Variants in ATP6V0A2 observed in about 807,000 individuals in gnomAD.
ATP6V0A2 encodes ATPase H+ transporting V0 subunit a2.
Under a neutral mutation model 104.4 loss-of-function variants are expected in ATP6V0A2, and 58 were observed. The observed-to-expected ratio is 0.56, with a 90% CI of 0.45 to 0.69. The LOEUF (loss-of-function observed/expected upper bound fraction) is 0.69. Ranked by LOEUF, ATP6V0A2 falls within the 30% of genes least tolerant of loss-of-function variation. The pLI, the probability that ATP6V0A2 is intolerant of heterozygous loss-of-function variation, is 0.00. For missense variants in ATP6V0A2, 938 were observed against 1,062.9 expected, an observed-to-expected ratio of 0.88 and a Z score of 1.63; for synonymous variants, 376 against 397.9, an observed-to-expected ratio of 0.95 and a Z score of 0.65.
intron 5 of ATP6V0A2, 62 bp downstream of exon 5, chr12:123,726,347 C>A: frequency 8.4e-7 from 1 of 1,196,090 alleles, no homozygotes. Flanking sequence ...GGCAGATGAG[C>A]TCCATAGAAG....
In ATP6V0A2 at chr12:123,712,661, A is replaced by C; in HGVS notation, c.96A>C (p.Lys32Asn). 6.2e-7 allele frequency: 1 copy of C among 1,610,282 alleles called. No individual in the cohort carries two copies. Residue 32 changes from lysine (K) to asparagine (N), a missense_variant, in exon 1 of 20, where the codon AAA becomes AAC. Coordinates refer to ENST00000330342, the MANE Select transcript of ATP6V0A2 (RefSeq NM_012463.4). ...AYECLSALGE[K>N]GLVQFRDLNQ... Reference sequence around the variant, plus strand: ...AGTGCCTCAGCGCCCTGGGCGAGAAAGGCCTGGTCCAGTTCCGAGACGTGA... The same window carrying C: ...AGTGCCTCAGCGCCCTGGGCGAGAACGGCCTGGTCCAGTTCCGAGACGTGA...
At chr12:123,735,730 C>A (rs1956546911) in intron 8 of ATP6V0A2, 106 bp downstream of exon 8, 1 of 991,276 alleles carries the variant, frequency 1.0e-6, no homozygotes, top group Non-Finnish European at 1.6e-6. Context: ...GTAGACAAAT[C>A]AAGATGTTCT....
intron 19 of ATP6V0A2, 136 bp downstream of exon 19, chr12:123,757,122 T>A: frequency 9.8e-7 from 1 of 1,020,046 alleles, no homozygotes; most frequent in Non-Finnish European, 1.5e-6. Context: ...TCCCTTGGGA[T>A]CTGTGTTCAT....
Position 123,712,622 on chromosome 12 carries a change from G to C in ATP6V0A2, c.57G>C (p.Ser19=), listed in dbSNP as rs770144778. 2.5e-6 allele frequency: 4 copies of C among 1,606,782 alleles called. No individual in the cohort carries two copies. Among genetic ancestry groups the C allele is most frequent in the Non-Finnish European group, 3.4e-6 (4 of 1,177,554 alleles). Residue 19 remains serine, a synonymous_variant, in exon 1 of 20, where the codon TCG becomes TCC. Coordinates refer to ENST00000330342, the MANE Select transcript of ATP6V0A2 (RefSeq NM_012463.4). ...GCCTGGCGCAGCTCTTCCTGCAGTC[G>C]GGCACGGCCTACGAGTGCCTCAGCG... is the stretch of plus-strand genomic sequence containing the variant. ...TMCLAQLFLQ[S]GTAYECLSAL... is the part of the protein sequence containing the mutation.
At chr12:123,727,723 T>A in intron 5 of ATP6V0A2, 60 bp from the exon 6 acceptor site, 1 of 1,603,842 alleles carries the variant, frequency 6.2e-7, no homozygotes. Context: ...TCATTCTTAA[T>A]GTAGTTTGAT....
At chr12:123,717,509 A>G (rs1190614866) in intron 1 of ATP6V0A2, among the ~76,000 whole-genome samples, 1 of 146,894 alleles carries the variant, frequency 6.8e-6, no homozygotes, top group African/African-American at 2.5e-5. Context: ...CAGTGGTGTG[A>G]TCACTGCTCA....
rs537120087 is a variant in ATP6V0A2, at chr12:123,718,632, A to G, written c.127A>G (p.Asn43Asp). 1.2e-6 allele frequency: 2 copies of G among 1,611,448 alleles called. No individual in the cohort carries two copies. The highest frequency in any genetic ancestry group is 2.2e-5 in the South Asian group (2 of 90,718). Reference protein sequence around the residue: ...GLVQFRDLNQNVSSFQRKFVG... With the variant: ...GLVQFRDLNQDVSSFQRKFVG... ...TTCATCCTTTTCTCAGCTCAACCAG[A>G]ACGTAAGTTCTTTCCAAAGAAAATT... Residue 43 changes from asparagine to aspartate, a missense_variant, in exon 2 of 20, where the codon AAC becomes GAC. Physicochemically the swap from Asn to Asp is conservative, Grantham distance 23. Coordinates refer to ENST00000330342, the MANE Select transcript of ATP6V0A2 (RefSeq NM_012463.4).
chr12:123,725,231 G>T (rs59827616), intron 4 of ATP6V0A2, among the ~76,000 whole-genome samples: 7,968 of 152,178 alleles, frequency 0.052, 380 homozygotes, highest in African/African-American at 0.12. Context: ...ACCGCGCCCA[G>T]ATTTAAGAGA....
chr12:123,727,838 T>C lies in ATP6V0A2; in HGVS notation c.577T>C (p.Trp193Arg). The C allele has an allele frequency of 6.2e-7, 1 of 1,614,188 alleles. No homozygotes were observed. The highest frequency in any genetic ancestry group is 8.5e-7 in the Non-Finnish European group (1 of 1,180,026). Reference sequence around the variant, plus strand: ...AGTGGAAGCATTTGAAAAAATGTTGTGGAGAGTCTGCAAAGGGTACACCAT... The same window carrying C: ...AGTGGAAGCATTTGAAAAAATGTTGCGGAGAGTCTGCAAAGGGTACACCAT... The part of the protein sequence containing the change: ...GKVEAFEKML[W>R]RVCKGYTIVS... Residue 193 changes from tryptophan (W) to arginine (R), a missense_variant, in exon 6 of 20, where the codon TGG (tryptophan) becomes CGG (arginine). Trp to Arg is a moderately radical substitution (Grantham distance 101). Coordinates refer to ENST00000330342, the MANE Select transcript of ATP6V0A2 (RefSeq NM_012463.4).
intron 6 of ATP6V0A2, among the ~76,000 whole-genome samples, chr12:123,728,114 A>G (rs1373162597): frequency 2.6e-5 from 4 of 152,258 alleles, no homozygotes; most frequent in African/African-American, 4.8e-5. Context: ...CAGTCAGGAA[A>G]TGAATGTAGA....
At chr12:123,738,878 A>G (rs1355182696) in intron 9 of ATP6V0A2, 1 of 152,252 alleles carries the variant, frequency 6.6e-6, no homozygotes, top group Non-Finnish European at 1.5e-5. Context: ...ACAAATGTAA[A>G]ATATAATGTC....
intron 16 of ATP6V0A2, 110 bp downstream of exon 16, chr12:123,751,339 A>G: frequency 4.6e-6 from 7 of 1,517,582 alleles, no homozygotes; most frequent in Non-Finnish European, 6.4e-6. Context: ...TTGATTTAAA[A>G]GCCAAAGCTC....
chr12:123,723,915 T>A (rs1321200419), intron 3 of ATP6V0A2: 1 of 152,048 alleles, frequency 6.6e-6, no homozygotes, highest in Non-Finnish European at 1.5e-5. Context: ...GAGTCTTTGA[T>A]GTGTGATATG....
chr12:123,716,337 G>A (rs971923622), intron 1 of ATP6V0A2, among the ~76,000 whole-genome samples: 13 of 152,054 alleles, frequency 8.5e-5, no homozygotes, highest in African/African-American at 2.7e-4. Flanking sequence ...AGAGTGCTGG[G>A]ATTACAAGCA....
rs1214509616 is a variant in ATP6V0A2 at position 123,735,903 on chromosome 12, G to A, written c.825+279G>A. On this transcript the variant is annotated intron_variant, in intron 8 of 19. Coordinates refer to ENST00000330342, the MANE Select transcript of ATP6V0A2 (RefSeq NM_012463.4). ...ATTTTTCTTTTTCAGACAGGCTCTCGCTCTGTCGCCCAGGCTTGGAGTGCA... is the reference window on the plus strand; with the variant it reads ...ATTTTTCTTTTTCAGACAGGCTCTCACTCTGTCGCCCAGGCTTGGAGTGCA... Among the ~76,000 whole-genome samples, 4 of 152,134 alleles carry A rather than the reference G, an allele frequency of 2.6e-5. 1 individual carries two copies. The East Asian group carries it at 7.7e-4, about 29-fold the overall frequency.
In ATP6V0A2 at chr12:123,760,380, T is replaced by C. The variant is rs1956800341; in HGVS notation, c.*2348T>C. 6.6e-6 allele frequency: 1 copy of C among 152,200 alleles called. No individual in the cohort carries two copies. The highest frequency in any genetic ancestry group is 2.1e-4 in the South Asian group (1 of 4,824). The allele number at this position is 152,200 out of a possible 1,614,324, so 9.4% of individuals were successfully genotyped here. On this transcript the variant is annotated 3_prime_UTR_variant, in exon 20 of 20. Transcript: ENST00000330342. The stretch of plus-strand genomic sequence containing the variant: ...AATGTAGTTTGATAATAGTGTCTTA[T>C]AGGGGCCACGGGAATTTGTTTCTCT...
At chr12:123,756,764 A>G in intron 18 of ATP6V0A2, 51 bp from the exon 19 acceptor site, 1 of 1,592,214 alleles carries the variant, frequency 6.3e-7, no homozygotes, top group South Asian at 1.1e-5. Flanking sequence ...TCACAGAGGG[A>G]CCCACTGTAC....
At position 123,757,976 on chromosome 12, in the gene ATP6V0A2, C is replaced by T. The variant is rs140818195; in HGVS notation, c.2515C>T (p.Pro839Ser). ...FYVGAGTKFV[P>S]FSFSLLSSKF... Reference sequence around the variant, plus strand: ...CGTTGGTGCAGGCACCAAATTTGTTCCTTTCTCATTCAGTCTACTTTCATC... The same window carrying T: ...CGTTGGTGCAGGCACCAAATTTGTTTCTTTCTCATTCAGTCTACTTTCATC... Residue 839 changes from proline (P) to serine (S), a missense_variant, in exon 20 of 20, where the codon CCT (proline) becomes TCT (serine). Pro to Ser is a moderately conservative substitution (Grantham distance 74, BLOSUM62 -1). Coordinates refer to ENST00000330342, the MANE Select transcript of ATP6V0A2 (RefSeq NM_012463.4). 3.1e-6 allele frequency: 5 copies of T among 1,611,292 alleles called. No homozygotes were observed. The African/African-American group carries it at 6.7e-5, about 22-fold the overall frequency.
At chr12:123,749,455 C>T (rs1956694019) in intron 15 of ATP6V0A2, among the ~76,000 whole-genome samples, 1 of 152,188 alleles carries the variant, frequency 6.6e-6, no homozygotes, top group African/African-American at 2.4e-5. Flanking sequence ...ACAGTGGGCT[C>T]TAAGGGCTGA....
Sources: gnomAD v4.1 joint callset for allele counts (sites outside exome capture counted in the v4.1 genomes callset) on GRCh38, gnomAD v4.1.1 for gene constraint, MANE v1.5 for transcripts, NCBI Gene and HGNC (gene_info 2026-07-23, HGNC 2026-07-21) for gene names.